Variants in HERC1 observed in about 807,000 individuals in gnomAD.
HERC1 encodes HECT and RLD domain containing E3 ubiquitin protein ligase family member 1.
Under a neutral mutation model 554.3 loss-of-function variants are expected in HERC1, and 160 were observed. The ratio of observed to expected loss-of-function variants is 0.29; its 90% CI spans 0.25 to 0.33. HERC1 has a LOEUF of 0.33. HERC1 is among the 10% of genes least tolerant of loss of function. HERC1 has a pLI of 1.00. For synonymous variants in HERC1, 2,175 were observed against 2,131.7 expected (o/e 1.02, Z -0.56); for missense variants, 4,919 against 5,918.5 (o/e 0.83, Z 5.54).
At chr15:63,632,846 G>C in intron 67 of HERC1, 35 bp from the exon 68 acceptor site, 1 of 1,408,328 alleles carries the variant, frequency 7.1e-7, no homozygotes, top group Non-Finnish European at 9.7e-7. Context: ...ACAACTTTAA[G>C]AAGAAAAAAA....
In HERC1 at chr15:63,622,905, A is replaced by T. The variant is rs762511572; in HGVS notation, c.13612-14T>A. On this transcript the variant is annotated splice_polypyrimidine_tract_variant and intron_variant, in intron 73 of 77. Transcript: ENST00000443617. ...AGTTTCAAGTTCCTGCAGAAGAAAG[A>T]AAAAAATTTTTTGAGAAATGACAAT... 6.5e-5 allele frequency: 102 copies of T among 1,568,846 alleles called. No individual in the cohort carries two copies. The Middle Eastern group carries it at 8.4e-4, about 13-fold the overall frequency.
intron 64 of HERC1, chr15:63,636,936 C>T (rs2068806772): frequency 6.3e-6 from 2 of 315,284 alleles, no homozygotes; most frequent in African/African-American, 2.2e-5. Context: ...ATGAAAAGAA[C>T]CTGAGCTTCT....
intron 12 of HERC1, among the ~76,000 whole-genome samples, chr15:63,742,123 G>A (rs2074836519): frequency 1.3e-5 from 2 of 152,108 alleles, no homozygotes; most frequent in South Asian, 4.1e-4. Flanking sequence ...ATAAACATGA[G>A]GTGTGTTTCC....
intron 14 of HERC1, among the ~76,000 whole-genome samples, chr15:63,731,877 T>C (rs1395122827): frequency 1.3e-5 from 2 of 152,162 alleles, no homozygotes; most frequent in East Asian, 1.9e-4. Flanking sequence ...AATAGTCAAG[T>C]CTTACATCAC....
chr15:63,634,687 T>G, intron 66 of HERC1, 46 bp downstream of exon 66: 1 of 1,538,544 alleles, frequency 6.5e-7, no homozygotes, highest in Non-Finnish European at 8.9e-7. Flanking sequence ...ACAGAAGAAA[T>G]GAGAAACAAT....
chr15:63,638,263 T>G (rs1595871148), intron 63 of HERC1, 148 bp downstream of exon 63: 1 of 850,482 alleles, frequency 1.2e-6, no homozygotes, highest in East Asian at 2.6e-5. Flanking sequence ...ACCAAGTTTT[T>G]ATTTGAAAGC....
At chr15:63,650,201 G>A (rs568930551) in intron 53 of HERC1, among the ~76,000 whole-genome samples, 320 of 151,916 alleles carry the variant, frequency 2.1e-3, no homozygotes, top group Non-Finnish European at 3.8e-3. Context: ...TCAGGAATTC[G>A]AGACCAGCCT....
At chr15:63,745,276 G>A (rs115740478) in intron 12 of HERC1, among the ~76,000 whole-genome samples, 1,839 of 152,270 alleles carry the variant, frequency 0.012, 36 homozygotes, top group African/African-American at 0.043. Flanking sequence ...GTCTCAGTAT[G>A]TCACCTGCCC....
intron 13 of HERC1, 118 bp from the exon 14 acceptor site, chr15:63,733,263 T>G: frequency 1.5e-6 from 1 of 666,582 alleles, no homozygotes; most frequent in Non-Finnish European, 2.6e-6. Context: ...ATAATCATCT[T>G]CAGGAAGTAC....
chr15:63,668,004 T>C (rs2070726248), intron 40 of HERC1, among the ~76,000 whole-genome samples: 2 of 152,214 alleles, frequency 1.3e-5, no homozygotes, highest in South Asian at 4.1e-4. Context: ...TTTTCAACTG[T>C]TCAGGGGGTT....
chr15:63,772,530 A>T (rs2075985548), intron 2 of HERC1, among the ~76,000 whole-genome samples: 1 of 151,072 alleles, frequency 6.6e-6, no homozygotes, highest in African/African-American at 2.4e-5. Context: ...TAAATATATT[A>T]TTTTAGGTCA....
intron 55 of HERC1, among the ~76,000 whole-genome samples, chr15:63,646,978 T>C (rs2069383816): frequency 6.6e-6 from 1 of 151,730 alleles, no homozygotes; most frequent in African/African-American, 2.4e-5. Context: ...CAATGAGCCA[T>C]GCACGTTGGC....
intron 14 of HERC1, 139 bp from the exon 15 acceptor site, chr15:63,729,788 C>T (rs1019526351): frequency 8.5e-5 from 62 of 730,032 alleles, no homozygotes; most frequent in Non-Finnish European, 1.1e-4. Context: ...TTTGGGAGTC[C>T]GAGGCAGGTA....
At chr15:63,653,870 A>G (rs891899053) in intron 51 of HERC1, among the ~76,000 whole-genome samples, 1 of 152,190 alleles carries the variant, frequency 6.6e-6, no homozygotes, top group African/African-American at 2.4e-5. Context: ...TTGTGAAGCT[A>G]TTCCTTTGGT....
chr15:63,804,655 A>G (rs1203204256), intron 1 of HERC1, among the ~76,000 whole-genome samples: 1 of 152,162 alleles, frequency 6.6e-6, no homozygotes, highest in East Asian at 1.9e-4. Flanking sequence ...AAATAAGAAA[A>G]TGAAAAGGCA....
chr15:63,732,753 A>G (rs959052331), intron 14 of HERC1, among the ~76,000 whole-genome samples, 171 bp downstream of exon 14: 16 of 152,386 alleles, frequency 1.0e-4, no homozygotes, highest in African/African-American at 3.8e-4. Context: ...ATTCTCAATT[A>G]CATGTTATTT....
At chr15:63,657,853 C>A (rs1301996616) in intron 48 of HERC1, among the ~76,000 whole-genome samples, 1 of 151,886 alleles carries the variant, frequency 6.6e-6, no homozygotes, top group Non-Finnish European at 1.5e-5. Context: ...TGTGGATAAA[C>A]CATCAGACCC....
intron 66 of HERC1, 123 bp downstream of exon 66, chr15:63,634,610 T>C (rs1023364571): frequency 1.3e-5 from 9 of 676,518 alleles, no homozygotes; most frequent in South Asian, 4.8e-5. Context: ...AATTAGACCA[T>C]AGCAAAATGT....
At chr15:63,768,614 G>A (rs959204948) in intron 2 of HERC1, among the ~76,000 whole-genome samples, 4 of 152,226 alleles carry the variant, frequency 2.6e-5, no homozygotes, top group Non-Finnish European at 4.4e-5. Flanking sequence ...ACAAAAACAG[G>A]TAAGGAGTAG....
Sources: gnomAD v4.1 joint callset for allele counts (sites outside exome capture counted in the v4.1 genomes callset) on GRCh38, gnomAD v4.1.1 for gene constraint, MANE v1.5 for transcripts, NCBI Gene and HGNC (gene_info 2026-07-23, HGNC 2026-07-21) for gene names.